The following RSPH14 variants were observed in gnomAD, a reference collection of about 807,000 sequenced individuals.
RSPH14 encodes radial spoke head 14 homolog.
RSPH14 carries 20 observed loss-of-function variants against 26.7 expected under a neutral mutation model. The ratio of observed to expected loss-of-function variants is 0.75; its 90% CI spans 0.53 to 1.09. The LOEUF is 1.09. Ranked by LOEUF, RSPH14 falls within the 50% of genes least tolerant of loss-of-function variation. RSPH14 has a pLI of 0.00. For missense variants in RSPH14, 449 were observed against 457.2 expected (o/e 0.98, Z 0.16); for synonymous variants, 177 against 189.3 (o/e 0.93, Z 0.53).
chr22:23,121,600 C>A (rs1482867280), intron 4 of RSPH14, among the ~76,000 whole-genome samples: 3 of 152,284 alleles, frequency 2.0e-5, no homozygotes, highest in African/African-American at 7.2e-5. Flanking sequence ...TGGTTACCAG[C>A]GTCATTGTCA....
At chr22:23,157,851 T>G in the RSPH14 span, 1 of 1,539,016 alleles carries the variant, frequency 6.5e-7, no homozygotes, top group East Asian at 2.3e-5. Flanking sequence ...CTCCTCAGCC[T>G]TCATTGTAGG....
intron 4 of RSPH14, among the ~76,000 whole-genome samples, chr22:23,107,660 C>G (rs2069521487): frequency 6.6e-6 from 1 of 152,118 alleles, no homozygotes; most frequent in Non-Finnish European, 1.5e-5. Flanking sequence ...CAAGAAGCAC[C>G]GGAACCCACC....
At chr22:23,160,395 G>A in the RSPH14 span, among the ~76,000 whole-genome samples, 5 of 152,198 alleles carry the variant, frequency 3.3e-5, no homozygotes, top group East Asian at 3.8e-4. Context: ...AAACCAGCCC[G>A]CTCTCTGATG....
chr22:23,160,736 C>T, the RSPH14 span: 1 of 1,181,240 alleles, frequency 8.5e-7, no homozygotes, highest in South Asian at 1.5e-5. Context: ...GCTGTGCCCT[C>T]CTGGGGTCAT....
At chr22:23,086,644 C>G (rs2068829349) in intron 4 of RSPH14, among the ~76,000 whole-genome samples, 1 of 152,226 alleles carries the variant, frequency 6.6e-6, no homozygotes, top group African/African-American at 2.4e-5. Context: ...CGGGGCCCAG[C>G]CCACAGTTGC....
At chr22:23,155,586 G>A in the RSPH14 span, among the ~76,000 whole-genome samples, 16 of 152,206 alleles carry the variant, frequency 1.1e-4, no homozygotes, top group African/African-American at 3.6e-4. Context: ...CCCGCCTGGA[G>A]CCCCAGTGCC....
chr22:23,082,655 A>C (rs2068715776), intron 4 of RSPH14, among the ~76,000 whole-genome samples: 1 of 152,048 alleles, frequency 6.6e-6, no homozygotes, highest in Non-Finnish European at 1.5e-5. Flanking sequence ...GCTTGATGAC[A>C]CTGCAGAACT....
At chr22:23,180,027 CT>C in the RSPH14 span, 1 of 367,836 alleles carries the variant, frequency 2.7e-6, no homozygotes. Flanking sequence ...GCCGGTGACG[CT>C]TATGGCACTG....
At chr22:23,171,804 T>C in the RSPH14 span, among the ~76,000 whole-genome samples, 1 of 139,616 alleles carries the variant, frequency 7.2e-6, no homozygotes, top group Non-Finnish European at 1.5e-5. Context: ...ATCTTGCCAT[T>C]GCACTCCAGC....
chr22:23,140,607 A>G, intron 1 of RSPH14, 135 bp from the exon 2 acceptor site: 1 of 1,065,318 alleles, frequency 9.4e-7, no homozygotes, highest in Non-Finnish European at 1.3e-6. Flanking sequence ...TGAGGCTGAG[A>G]GCAATGAAGA....
At position 23,137,721 on chromosome 22, in the gene RSPH14, T is replaced by C. The variant is rs550973781; in HGVS notation, c.302+1119A>G. 7.3e-4 allele frequency: 122 copies of C among 167,032 alleles called. 1 individual carries two copies. The highest frequency in any genetic ancestry group is 3.5e-3 in the Admixed American group (44 of 12,508). The allele number at this position is 167,032 out of a possible 1,614,324, so 10.3% of individuals were successfully genotyped here. ...GCACACTGGGCAGTGGCCCCCTTTA[T>C]CCGAAAGACCTGGGCCAGGGCTTGG... On this transcript the variant is annotated intron_variant, in intron 3 of 6. Transcript: ENST00000216036.
chr22:23,159,127 C>T, the RSPH14 span: 1 of 1,604,998 alleles, frequency 6.2e-7, no homozygotes, highest in Non-Finnish European at 8.5e-7. Flanking sequence ...TGCAGGAGAG[C>T]CGGGACGCTG....
At chr22:23,142,627 T>G (rs553911957), upstream of RSPH14, among the ~76,000 whole-genome samples, 1 of 152,236 alleles carries the variant, frequency 6.6e-6, no homozygotes, top group African/African-American at 2.4e-5. Context: ...CGTGAGCCAC[T>G]GCGCTCAGCC....
chr22:23,180,672 C>G, the RSPH14 span: 1 of 153,276 alleles, frequency 6.5e-6, no homozygotes, highest in Non-Finnish European at 1.4e-5. Context: ...TGGCGGCGGC[C>G]TGGCGGAGCG....
chr22:23,113,768 C>A (rs2069729826), intron 4 of RSPH14, among the ~76,000 whole-genome samples: 1 of 152,204 alleles, frequency 6.6e-6, no homozygotes, highest in Admixed American at 6.5e-5. Context: ...TGTCCCAGAC[C>A]CCCTCGGCAG....
intron 4 of RSPH14, chr22:23,096,388 C>T (rs144435757): frequency 6.3e-5 from 101 of 1,611,096 alleles, no homozygotes; most frequent in South Asian, 3.8e-4. Flanking sequence ...TCAGCGGCTA[C>T]GACCTGAAAC....
Position 23,140,483 on chromosome 22 carries a change from C to T in RSPH14, c.-52-11G>A. 3 of 1,564,816 alleles carry T rather than the reference C, an allele frequency of 1.9e-6. No individual in the cohort carries two copies. The highest frequency in any genetic ancestry group is 2.6e-6 in the Non-Finnish European group (3 of 1,153,400). On this transcript the variant is annotated splice_polypyrimidine_tract_variant and intron_variant, in intron 1 of 6. Coordinates refer to ENST00000216036, the MANE Select transcript of RSPH14 (RefSeq NM_014433.3). ...TGCAGAAACCACTCACTAAAAGAGA[C>T]CAAAAAGCTGTCATTATTTCTATTA...
chr22:23,096,695 T>C (rs2069136024), intron 4 of RSPH14, among the ~76,000 whole-genome samples: 1 of 152,150 alleles, frequency 6.6e-6, no homozygotes, highest in Non-Finnish European at 1.5e-5. Flanking sequence ...GATCAATCCA[T>C]GTGATAGTTT....
chr22:23,175,004 T>G, the RSPH14 span, among the ~76,000 whole-genome samples: 5 of 151,812 alleles, frequency 3.3e-5, no homozygotes, highest in African/African-American at 1.2e-4. Context: ...AAAAAAATTT[T>G]TTTTTTTTTT....
Sources: gnomAD v4.1 joint callset for allele counts (sites outside exome capture counted in the v4.1 genomes callset) on GRCh38, gnomAD v4.1.1 for gene constraint, MANE v1.5 for transcripts, NCBI Gene and HGNC (gene_info 2026-07-23, HGNC 2026-07-21) for gene names.